SLC25A21: variants seen among roughly 807,000 people sequenced by gnomAD.
The protein encoded by SLC25A21 is mitochondrial 2-oxodicarboxylate carrier.
Under a neutral mutation model 43.8 loss-of-function variants are expected in SLC25A21, and 47 were observed. That is an observed-to-expected ratio of 1.07 (90% CI 0.85 to 1.37). The LOEUF (loss-of-function observed/expected upper bound fraction) is 1.37, where lower values mean the gene tolerates loss of function less well. Ranked by LOEUF, SLC25A21 falls within the 40% of genes most tolerant of loss-of-function variation. The probability of loss-of-function intolerance (pLI) is 0.00; values close to 1 mark genes in which losing one functional copy is unlikely to be tolerated. For missense variants in SLC25A21, 352 were observed against 350.2 expected, an observed-to-expected ratio of 1.00 and a Z score of -0.04; for synonymous variants, 131 against 121.3, an observed-to-expected ratio of 1.08 and a Z score of -0.52.
At chr14:36,745,305 C>T (rs539010296) in intron 3 of SLC25A21, among the ~76,000 whole-genome samples, 15 of 152,094 alleles carry the variant, frequency 9.9e-5, no homozygotes, top group African/African-American at 2.7e-4. Flanking sequence ...AATAAACATA[C>T]GTGTGCATGT....
At chr14:36,903,916 T>C (rs564840053) in intron 1 of SLC25A21, among the ~76,000 whole-genome samples, 59 of 152,334 alleles carry the variant, frequency 3.9e-4, no homozygotes, top group South Asian at 2.3e-3. Flanking sequence ...TGAAAATATA[T>C]GCAAGAAAGT....
At chr14:37,014,173 C>G (rs1960795304) in intron 1 of SLC25A21, among the ~76,000 whole-genome samples, 1 of 152,038 alleles carries the variant, frequency 6.6e-6, no homozygotes, top group Non-Finnish European at 1.5e-5. Context: ...AATAAGACAA[C>G]AATTACTTTT....
chr14:36,729,026 G>C (rs749025413), intron 5 of SLC25A21, among the ~76,000 whole-genome samples: 5 of 152,184 alleles, frequency 3.3e-5, no homozygotes, highest in Non-Finnish European at 7.3e-5. Context: ...ATTCTCCTTA[G>C]CTGAGTTGTT....
rs1882069830 is a variant in SLC25A21 at position 36,679,252 on chromosome 14, A to T, written c.*1406T>A. The T allele has an allele frequency of 2.0e-6, 2 of 984,178 alleles. No individual in the cohort carries two copies. Among genetic ancestry groups the T allele is most frequent in the Non-Finnish European group, 2.4e-6 (2 of 828,784 alleles). The allele number at this position is 984,178 out of a possible 1,614,324, so 61.0% of individuals were successfully genotyped here. ...ATTGGACTGAAATATAAATTTTAAAAAACACGTTGGAAAGGATGTACAACA... is the reference window on the plus strand; with the variant it reads ...ATTGGACTGAAATATAAATTTTAAATAACACGTTGGAAAGGATGTACAACA... On this transcript the variant is annotated 3_prime_UTR_variant, in exon 10 of 10. Coordinates refer to ENST00000331299, the MANE Select transcript of SLC25A21 (RefSeq NM_030631.4).
intron 1 of SLC25A21, among the ~76,000 whole-genome samples, chr14:37,170,239 T>C (rs1028961632): frequency 6.6e-6 from 1 of 152,082 alleles, no homozygotes. Flanking sequence ...TTTCACCATG[T>C]TGGGGAGGAT....
intron 1 of SLC25A21, among the ~76,000 whole-genome samples, chr14:36,990,693 G>A (rs1402429657): frequency 4.6e-5 from 7 of 152,056 alleles, no homozygotes; most frequent in South Asian, 2.1e-4. Flanking sequence ...CTGGGGCAAC[G>A]TAGTAAGACC....
At chr14:36,981,786 A>G (rs1467648763) in intron 1 of SLC25A21, among the ~76,000 whole-genome samples, 3 of 152,210 alleles carry the variant, frequency 2.0e-5, no homozygotes. Context: ...ATGTATACAT[A>G]TGTAACAAAC....
At chr14:36,736,423 C>T (rs1885041814) in intron 3 of SLC25A21, among the ~76,000 whole-genome samples, 1 of 152,100 alleles carries the variant, frequency 6.6e-6, no homozygotes, top group Admixed American at 6.5e-5. Flanking sequence ...CATTTAAATA[C>T]TTTTCTCATT....
intron 3 of SLC25A21, among the ~76,000 whole-genome samples, chr14:36,801,847 G>A (rs975581428): frequency 2.0e-5 from 3 of 152,264 alleles, no homozygotes; most frequent in East Asian, 3.9e-4. Flanking sequence ...GTGCTTTAAG[G>A]AGAACAGTAG....
intron 1 of SLC25A21, among the ~76,000 whole-genome samples, chr14:37,024,550 G>A (rs1211612976): frequency 6.6e-6 from 1 of 151,916 alleles, no homozygotes; most frequent in East Asian, 1.9e-4. Flanking sequence ...CAAAAAGTAA[G>A]GTGCATCTCT....
In SLC25A21 at chr14:37,128,577, T is replaced by TGTGTGTGTGC. The variant is rs1024661078; in HGVS notation, c.70+43703_70+43704insGCACACACAC. Among the ~76,000 whole-genome samples, 332 of 149,258 alleles carry TGTGTGTGTGC rather than the reference T, an allele frequency of 2.2e-3. 2 individuals carry two copies. The highest frequency in any genetic ancestry group is 8.2e-3 in the African/African-American group (322 of 39,480). On this transcript the variant is annotated intron_variant, in intron 1 of 9. Coordinates refer to ENST00000331299, the MANE Select transcript of SLC25A21 (RefSeq NM_030631.4). ...GTGTGTGTGTGTGTGTGTGTGTGTG[T>TGTGTGTGTGC]GCATTTTGCTTTGTTTTATTTTTGA...
intron 7 of SLC25A21, among the ~76,000 whole-genome samples, chr14:36,691,276 A>C (rs985704361): frequency 6.6e-6 from 1 of 152,216 alleles, no homozygotes; most frequent in Admixed American, 6.5e-5. Flanking sequence ...GAGAAGACTT[A>C]AGTGACAGAA....
chr14:37,158,998 T>C (rs1963895046), intron 1 of SLC25A21, among the ~76,000 whole-genome samples: 1 of 151,850 alleles, frequency 6.6e-6, no homozygotes, highest in South Asian at 2.1e-4. Context: ...CTATAAAACA[T>C]ATAAAATACC....
intron 1 of SLC25A21, among the ~76,000 whole-genome samples, chr14:37,101,265 C>A (rs2138864658): frequency 6.6e-6 from 1 of 152,176 alleles, no homozygotes; most frequent in Non-Finnish European, 1.5e-5. Flanking sequence ...TATTTTTATT[C>A]ATATTTTTCT....
At chr14:36,734,331 GATCTACAT>G (rs1320716136) in intron 4 of SLC25A21, among the ~76,000 whole-genome samples, 168 bp downstream of exon 4, 2 of 152,050 alleles carry the variant, frequency 1.3e-5, no homozygotes, top group Admixed American at 1.3e-4. Context: ...TCTACAAATT[GATCTACAT>G]ATTTGAGAGA....
rs541471506 is a variant in SLC25A21, at chr14:36,862,146, T to A, written c.119+12810A>T. On this transcript the variant is annotated intron_variant, in intron 2 of 9. Coordinates refer to ENST00000331299, the MANE Select transcript of SLC25A21 (RefSeq NM_030631.4). ...AGAGGATATGGAGAAATAGGAATGC[T>A]TTTACATGGTTGGTGGGGTGTAAAC... 6.1e-4 allele frequency among the ~76,000 whole-genome samples: 93 copies of A among 152,292 alleles called. No individual in the cohort carries two copies. The Middle Eastern group carries it at 0.014, about 22-fold the overall frequency.
At chr14:37,080,979 C>T (rs1485878151) in intron 1 of SLC25A21, among the ~76,000 whole-genome samples, 1 of 152,170 alleles carries the variant, frequency 6.6e-6, no homozygotes, top group Non-Finnish European at 1.5e-5. Context: ...TCGACTACCT[C>T]TATCTATTCT....
chr14:37,138,532 G>A (rs1963520371), intron 1 of SLC25A21, among the ~76,000 whole-genome samples: 1 of 152,084 alleles, frequency 6.6e-6, no homozygotes, highest in Admixed American at 6.5e-5. Flanking sequence ...TGATAGAAAT[G>A]ACAGTCTGTT....
intron 1 of SLC25A21, among the ~76,000 whole-genome samples, chr14:36,912,683 G>A (rs2138613838): frequency 6.6e-6 from 1 of 152,236 alleles, no homozygotes; most frequent in East Asian, 1.9e-4. Context: ...TTTCACGTGG[G>A]TAAAAGTTTG....
Sources: allele counts gnomAD v4.1 joint callset (sites outside exome capture counted in the v4.1 genomes callset), GRCh38; gene constraint gnomAD v4.1.1; transcripts MANE v1.5; gene names NCBI Gene and HGNC (gene_info 2026-07-23, HGNC 2026-07-21).